COL12A1: variants seen among roughly 807,000 people sequenced by gnomAD.
COL12A1 encodes collagen type XII alpha 1 chain.
COL12A1 carries 114 observed loss-of-function variants against 349.7 expected under a neutral mutation model. That is an observed-to-expected ratio of 0.33 (90% CI 0.28 to 0.38). The LOEUF (loss-of-function observed/expected upper bound fraction) is 0.38. COL12A1 is among the 10% of genes least tolerant of loss of function. The pLI, the probability that COL12A1 is intolerant of heterozygous loss-of-function variation, is 1.00. For missense variants in COL12A1, 3,284 were observed against 3,756.9 expected, an observed-to-expected ratio of 0.87 and a Z score of 3.29; for synonymous variants, 1,369 against 1,329.0, an observed-to-expected ratio of 1.03 and a Z score of -0.66.
rs1027926367 is a variant in COL12A1, at chr6:75,085,601, C to T, written c.*946G>A. On this transcript the variant is annotated 3_prime_UTR_variant, in exon 66 of 66. Coordinates refer to ENST00000322507, the MANE Select transcript of COL12A1 (RefSeq NM_004370.6). ...AATCCAGCAGTAAACACAATCATTG[C>T]ACAAATACTTGGGAAGGGTCAGAGA... is the stretch of plus-strand genomic sequence containing the variant. 5 of 314,058 alleles carry T rather than the reference C, an allele frequency of 1.6e-5. No individual in the cohort carries two copies. Among genetic ancestry groups the T allele is most frequent in the African/African-American group, 1.1e-4 (5 of 45,988 alleles). 19.5% of individuals were successfully genotyped at this position (314,058 alleles called of 1,614,324 possible).
chr6:75,163,193 C>T (rs1207871575), intron 14 of COL12A1, among the ~76,000 whole-genome samples: 1 of 152,154 alleles, frequency 6.6e-6, no homozygotes, highest in East Asian at 1.9e-4. Flanking sequence ...AATCATTCTA[C>T]TATAAATACA....
intron 59 of COL12A1, 39 bp downstream of exon 59, chr6:75,097,214 G>A (rs1270870301): frequency 6.3e-7 from 1 of 1,588,106 alleles, no homozygotes. Flanking sequence ...GAGAGGGTGG[G>A]AGTGAAGGGC....
chr6:75,181,168 A>C lies in COL12A1; in HGVS notation c.1935T>G (p.Ser645=), dbSNP rs1562290623. ...PKDLSFSEVT[S]YGFKTNWSPA... ...GAGACCAGTTGGTTTTGAAACCATA[A>C]GAAGTCACTTCTGAAAAACTAAGAT... is the stretch of plus-strand genomic sequence containing the variant. Residue 645 remains serine (S), a synonymous_variant, in exon 11 of 66, where the codon TCT becomes TCG. Coordinates refer to ENST00000322507, the MANE Select transcript of COL12A1 (RefSeq NM_004370.6). The C allele has an allele frequency of 6.2e-7, 1 of 1,613,940 alleles. No homozygotes were observed. Among genetic ancestry groups the C allele is most frequent in the South Asian group, 1.1e-5 (1 of 91,068 alleles).
At chr6:75,181,512 G>T (rs1018414854) in intron 10 of COL12A1, among the ~76,000 whole-genome samples, 1 of 152,114 alleles carries the variant, frequency 6.6e-6, no homozygotes, top group Non-Finnish European at 1.5e-5. Context: ...GTAATAGAAT[G>T]GCCTTGCCCA....
chr6:75,141,346 G>C (rs1294499842), intron 27 of COL12A1, among the ~76,000 whole-genome samples: 1 of 152,184 alleles, frequency 6.6e-6, no homozygotes, highest in African/African-American at 2.4e-5. Context: ...CATAGCAAAA[G>C]ACCAACAGGC....
chr6:75,133,811 G>C (rs779748788), intron 33 of COL12A1, 47 bp downstream of exon 33: 2 of 1,606,006 alleles, frequency 1.2e-6, no homozygotes, highest in South Asian at 2.2e-5. Flanking sequence ...AAATCACTCA[G>C]CTACCATTTA....
intron 1 of COL12A1, 31 bp from the exon 2 acceptor site, chr6:75,202,858 C>T (rs1461230982): frequency 1.5e-5 from 22 of 1,461,642 alleles, no homozygotes; most frequent in African/African-American, 2.8e-5. Flanking sequence ...TGCATCAGAA[C>T]TGGGTCTGGG....
In COL12A1 at chr6:75,151,995, C is replaced by T. The variant is rs1194355123; in HGVS notation, c.3872G>A (p.Arg1291Lys). ...TCGAGGTCTCATGCCAGCTTGGGTC[C>T]TGAAGTTCTGTTGGCGAATGAAATT... is the stretch of plus-strand genomic sequence containing the variant. ...ALNFIRQQNF[R>K]TQAGMRPRAR... is the part of the protein sequence containing the mutation. Residue 1291 changes from arginine to lysine, a missense_variant, in exon 20 of 66, where the codon AGG becomes AAG. This residue lies in a region of COL12A1 where 2,601 missense variants were observed against 2,824.8 expected (regional missense o/e 0.92). Transcript: ENST00000322507. 1 of 1,613,718 alleles carries T rather than the reference C, an allele frequency of 6.2e-7. No individual in the cohort carries two copies. The highest frequency in any genetic ancestry group is 1.3e-5 in the African/African-American group (1 of 74,878).
rs1448071782 is a variant in COL12A1 at position 75,113,700 on chromosome 6, A to AT, written c.7741_7742insA (p.Leu2581TyrfsTer12). ...AGTTTCTGGGAGAAGTCTGAATAAT[A>AT]ATATAATCGTGTATGAAGGAGGGAG... is the stretch of plus-strand genomic sequence containing the variant. On this transcript the variant is annotated frameshift_variant, in exon 50 of 66. Transcript: ENST00000322507. LOFTEE classifies it high-confidence loss of function. 1 of 1,605,570 alleles carries AT rather than the reference A, an allele frequency of 6.2e-7. No homozygotes were observed. Among genetic ancestry groups the AT allele is most frequent in the Non-Finnish European group, 8.5e-7 (1 of 1,174,342 alleles).
rs749193687 is a variant in COL12A1, at chr6:75,183,871, G to A, written c.1271C>T (p.Pro424Leu). The A allele has an allele frequency of 1.2e-6, 2 of 1,614,056 alleles. No individual in the cohort carries two copies. The highest frequency in any genetic ancestry group is 1.7e-6 in the Non-Finnish European group (2 of 1,179,974). ...EPISIMEKTQPMKVQVECSRG... is the reference protein window; with the variant it reads ...EPISIMEKTQLMKVQVECSRG... ...TGACTTACCCACTTGAACTTTCATT[G>A]GCTGAGTCTTCTCCATTATTGAAAT... Residue 424 changes from proline to leucine, a missense_variant, in exon 9 of 66, where the codon CCA becomes CTA. By Grantham distance (98) the Pro-to-Leu change is moderately conservative. Coordinates refer to ENST00000322507, the MANE Select transcript of COL12A1 (RefSeq NM_004370.6).
At position 75,165,901 on chromosome 6, in the gene COL12A1, G is replaced by T. The variant is rs1188523876; in HGVS notation, c.2711-122C>A. On this transcript the variant is annotated intron_variant, in intron 13 of 65. Coordinates refer to ENST00000322507, the MANE Select transcript of COL12A1 (RefSeq NM_004370.6). Reference sequence around the variant, plus strand: ...ACTCACACTCAATTTGTCTAAAATTGCCCATTTCTTCTTTTTGAGTTGTCC... The same window carrying T: ...ACTCACACTCAATTTGTCTAAAATTTCCCATTTCTTCTTTTTGAGTTGTCC... 4.2e-6 allele frequency: 4 copies of T among 956,290 alleles called. No homozygotes were observed. The African/African-American group carries it at 5.0e-5, about 12-fold the overall frequency. 59.2% of individuals were successfully genotyped at this position (956,290 alleles called of 1,614,324 possible). A position where few individuals can be genotyped will look rare whatever the true frequency, so the allele number is the denominator to read the frequency against.
At chr6:75,132,310 A>C (rs1766345662) in intron 34 of COL12A1, among the ~76,000 whole-genome samples, 1 of 152,238 alleles carries the variant, frequency 6.6e-6, no homozygotes, top group Non-Finnish European at 1.5e-5. Context: ...TCAATTAAAA[A>C]CAAGCTAATA....
At position 75,203,653 on chromosome 6, in the gene COL12A1, C is replaced by T. The variant is rs1208726854; in HGVS notation, c.-35-826G>A. On this transcript the variant is annotated intron_variant, in intron 1 of 65. Coordinates refer to ENST00000322507, the MANE Select transcript of COL12A1 (RefSeq NM_004370.6). ...CCGATTTTTTCTAATTTTGTAATTA[C>T]ATTATGAATTCCTTAAAGACAAAGA... Among the ~76,000 whole-genome samples, 3 of 152,176 alleles carry T rather than the reference C, an allele frequency of 2.0e-5. No homozygotes were observed. In the East Asian group the frequency reaches 5.8e-4, roughly 29 times the overall value.
chr6:75,085,466 T>A lies in COL12A1; in HGVS notation c.*1081A>T. 2.5e-6 allele frequency: 1 copy of A among 403,400 alleles called. No homozygotes were observed. Among genetic ancestry groups the A allele is most frequent in the Admixed American group, 2.7e-5 (1 of 37,036 alleles). 25.0% of individuals were successfully genotyped at this position (403,400 alleles called of 1,614,324 possible). ...CACCCGCGGTGATGGCACTCCAGTC[T>A]TAATCTCATAACTATAAATAGATAA... On this transcript the variant is annotated 3_prime_UTR_variant, in exon 66 of 66. Coordinates refer to ENST00000322507, the MANE Select transcript of COL12A1 (RefSeq NM_004370.6).
intron 25 of COL12A1, among the ~76,000 whole-genome samples, chr6:75,144,817 T>C (rs1208497631): frequency 2.0e-5 from 3 of 152,226 alleles, no homozygotes; most frequent in Admixed American, 2.0e-4. Flanking sequence ...TATCTTTGCA[T>C]TGGGTAAATT....
intron 39 of COL12A1, 135 bp from the exon 40 acceptor site, chr6:75,125,408 G>T: frequency 1.4e-6 from 1 of 699,234 alleles, no homozygotes; most frequent in Non-Finnish European, 2.2e-6. Flanking sequence ...TTACTCACTG[G>T]GGCACATGCT....
intron 35 of COL12A1, among the ~76,000 whole-genome samples, chr6:75,131,720 T>C (rs1582100556): frequency 6.6e-6 from 1 of 152,230 alleles, no homozygotes; most frequent in East Asian, 1.9e-4. Context: ...CATTTATTAC[T>C]GGGGTTTTTA....
At chr6:75,092,466 C>T (rs1026773529) in intron 60 of COL12A1, among the ~76,000 whole-genome samples, 4 of 152,176 alleles carry the variant, frequency 2.6e-5, no homozygotes, top group African/African-American at 9.7e-5. Flanking sequence ...ATAAGCCTCT[C>T]ACCATAAGAG....
At chr6:75,119,536 ATGATT>A in intron 44 of COL12A1, 63 bp from the exon 45 acceptor site, 1 of 1,539,124 alleles carries the variant, frequency 6.5e-7, no homozygotes. Context: ...CAATCTTCAA[ATGATT>A]CTCTAGCTGC....
Sources: allele counts gnomAD v4.1 joint callset (sites outside exome capture counted in the v4.1 genomes callset), GRCh38; gene constraint gnomAD v4.1.1; regional missense constraint gnomAD v4.1.1; transcripts MANE v1.5; gene names NCBI Gene and HGNC (gene_info 2026-07-23, HGNC 2026-07-21).